AUTS2: variants seen among roughly 807,000 people sequenced by gnomAD.
AUTS2 encodes activator of transcription and developmental regulator AUTS2.
In AUTS2, 17 loss-of-function variants were observed where a neutral mutation model predicts 112.4. The observed-to-expected ratio is 0.15, with a 90% CI of 0.10 to 0.23. AUTS2 has a LOEUF of 0.23. Ranked by LOEUF, AUTS2 falls within the 10% of genes least tolerant of loss-of-function variation. AUTS2 has a pLI of 1.00. For synonymous variants in AUTS2, 751 were observed against 702.7 expected (o/e 1.07, Z -1.09); for missense variants, 1,510 against 1,701.6 (o/e 0.89, Z 1.98).
At chr7:70,768,870 G>T (rs983658469) in intron 10 of AUTS2, among the ~76,000 whole-genome samples, 1 of 71,542 alleles carries the variant, frequency 1.4e-5, no homozygotes, top group Non-Finnish European at 2.6e-5. Context: ...TTCTTTGCCA[G>T]TGATTTCTTT....
chr7:70,261,764 T>G (rs1175706460), intron 4 of AUTS2, among the ~76,000 whole-genome samples: 2 of 152,210 alleles, frequency 1.3e-5, no homozygotes, highest in Non-Finnish European at 2.9e-5. Context: ...TTTGAAGGAC[T>G]TGAATAAGTG....
At chr7:69,679,206 T>C (rs2533458) in intron 1 of AUTS2, among the ~76,000 whole-genome samples, 93,375 of 152,172 alleles carry the variant, frequency 0.61, 28,966 homozygotes, top group East Asian at 0.7. Flanking sequence ...TAGTTCTCTC[T>C]GTAGGACCAT....
chr7:69,700,932 A>G (rs1217611874), intron 1 of AUTS2, among the ~76,000 whole-genome samples: 1 of 152,220 alleles, frequency 6.6e-6, no homozygotes, highest in Non-Finnish European at 1.5e-5. Context: ...ATGTGGAGGC[A>G]GAAATGCTTT....
chr7:69,986,799 T>C (rs1798530878), intron 2 of AUTS2, among the ~76,000 whole-genome samples: 1 of 152,248 alleles, frequency 6.6e-6, no homozygotes, highest in South Asian at 2.1e-4. Context: ...TGCTGTATGC[T>C]ACCCTGTCTG....
intron 10 of AUTS2, among the ~76,000 whole-genome samples, chr7:70,769,783 T>A (rs1468856985): frequency 6.6e-6 from 1 of 152,198 alleles, no homozygotes; most frequent in East Asian, 1.9e-4. Flanking sequence ...ACGCATATTC[T>A]ACAGTCCTAG....
At chr7:70,644,356 A>G (rs979962442) in intron 5 of AUTS2, among the ~76,000 whole-genome samples, 1 of 152,156 alleles carries the variant, frequency 6.6e-6, no homozygotes, top group African/African-American at 2.4e-5. Context: ...GCAGATACCT[A>G]GAGGGAAGAG....
At chr7:70,626,033 C>T (rs1804922681) in intron 5 of AUTS2, among the ~76,000 whole-genome samples, 1 of 151,984 alleles carries the variant, frequency 6.6e-6, no homozygotes, top group African/African-American at 2.4e-5. Flanking sequence ...TTGTCTCAGC[C>T]TCCTGAGTAG....
At chr7:69,752,467 C>G (rs1303453573) in intron 1 of AUTS2, among the ~76,000 whole-genome samples, 2 of 152,194 alleles carry the variant, frequency 1.3e-5, no homozygotes, top group East Asian at 3.8e-4. Flanking sequence ...ATTTCTGAAC[C>G]AGATGCCGTG....
rs116575438 is a variant in AUTS2 at position 69,698,103 on chromosome 7, A to G, written c.309+98141A>G. Among the ~76,000 whole-genome samples the G allele has an allele frequency of 6.5e-3, 993 of 152,316 alleles. 12 individuals are homozygous for G. Among genetic ancestry groups the G allele is most frequent in the African/African-American group, 0.023 (939 of 41,566 alleles). ...CATCTATGTATAACTCAATTTATAC[A>G]TAGAACTCTCTAGGGCAAGTTTTTC... On this transcript the variant is annotated intron_variant, in intron 1 of 18. Transcript: ENST00000342771.
At chr7:70,715,111 C>T (rs536338923) in intron 6 of AUTS2, among the ~76,000 whole-genome samples, 9 of 152,296 alleles carry the variant, frequency 5.9e-5, no homozygotes, top group South Asian at 4.1e-4. Context: ...TCTTTGGTTA[C>T]ACTCAAATAT....
At chr7:70,610,294 C>T (rs1315297768) in intron 5 of AUTS2, among the ~76,000 whole-genome samples, 1 of 152,066 alleles carries the variant, frequency 6.6e-6, no homozygotes, top group East Asian at 1.9e-4. Context: ...CCACCACACC[C>T]AACCCATATT....
At chr7:69,792,292 C>T (rs550339545) in intron 1 of AUTS2, among the ~76,000 whole-genome samples, 9 of 150,870 alleles carry the variant, frequency 6.0e-5, no homozygotes, top group East Asian at 2.0e-4. Flanking sequence ...CAGGCTGGAG[C>T]GCAGTGGCGC....
intron 4 of AUTS2, among the ~76,000 whole-genome samples, chr7:70,382,139 C>G (rs989507445): frequency 6.6e-6 from 1 of 152,164 alleles, no homozygotes; most frequent in Non-Finnish European, 1.5e-5. Context: ...CTGTAATCTC[C>G]TCTTCTCTCC....
intron 1 of AUTS2, among the ~76,000 whole-genome samples, chr7:69,751,373 AT>A (rs111876763): frequency 2.7e-3 from 400 of 149,952 alleles, no homozygotes; most frequent in Non-Finnish European, 2.9e-3. Flanking sequence ...TGTTCAAAAT[AT>A]TTTTTTTTTG....
intron 2 of AUTS2, among the ~76,000 whole-genome samples, chr7:69,911,266 G>A (rs1330893533): frequency 6.6e-6 from 1 of 152,164 alleles, no homozygotes; most frequent in African/African-American, 2.4e-5. Flanking sequence ...CCCCTGTCTG[G>A]ATGAGGGCAA....
At chr7:70,424,650 G>T (rs1795358235) in intron 4 of AUTS2, among the ~76,000 whole-genome samples, 2 of 152,112 alleles carry the variant, frequency 1.3e-5, no homozygotes, top group Admixed American at 1.3e-4. Context: ...ACAATGACAT[G>T]ATCAGAGCTA....
intron 1 of AUTS2, among the ~76,000 whole-genome samples, chr7:69,881,955 C>T (rs1283814106): frequency 6.6e-6 from 1 of 150,974 alleles, no homozygotes; most frequent in Non-Finnish European, 1.5e-5. Flanking sequence ...AATTTGAGAC[C>T]AGCCTGCCAA....
chr7:70,659,437 C>T (rs1563108248), intron 5 of AUTS2, among the ~76,000 whole-genome samples: 1 of 152,204 alleles, frequency 6.6e-6, no homozygotes, highest in Non-Finnish European at 1.5e-5. Flanking sequence ...GAGCCACTGT[C>T]CCGCAGCCTC....
At chr7:69,743,080 GC>G (rs1787336845) in intron 1 of AUTS2, among the ~76,000 whole-genome samples, 1 of 152,130 alleles carries the variant, frequency 6.6e-6, no homozygotes, top group South Asian at 2.1e-4. Flanking sequence ...AGCTTTCCAG[GC>G]CCAGTACTTT....
Sources: allele counts gnomAD v4.1 joint callset (sites outside exome capture counted in the v4.1 genomes callset), GRCh38; gene constraint gnomAD v4.1.1; transcripts MANE v1.5; gene names NCBI Gene and HGNC (gene_info 2026-07-23, HGNC 2026-07-21).